GRID2: variants seen among roughly 807,000 people sequenced by gnomAD.
GRID2 encodes glutamate receptor ionotropic, delta-2.
Under a neutral mutation model 114.8 loss-of-function variants are expected in GRID2, and 33 were observed. That is an observed-to-expected ratio of 0.29 (90% CI 0.22 to 0.38). The LOEUF (loss-of-function observed/expected upper bound fraction) is 0.38, where lower values mean the gene tolerates loss of function less well. GRID2 is among the 10% of genes least tolerant of loss of function. The probability of loss-of-function intolerance (pLI) is 1.00; values close to 1 mark genes in which losing one functional copy is unlikely to be tolerated. For missense variants in GRID2, 1,184 were observed against 1,257.7 expected (o/e 0.94, Z 0.89); for synonymous variants, 505 against 449.9 (o/e 1.12, Z -1.55).
At chr4:93,045,809 G>A (rs1726082294) in intron 2 of GRID2, among the ~76,000 whole-genome samples, 1 of 152,004 alleles carries the variant, frequency 6.6e-6, no homozygotes, top group African/African-American at 2.4e-5. Flanking sequence ...TTCCCACTGT[G>A]TGTGTGTTTA....
At chr4:92,981,313 T>A (rs1754196442) in intron 2 of GRID2, among the ~76,000 whole-genome samples, 2 of 152,224 alleles carry the variant, frequency 1.3e-5, no homozygotes, top group South Asian at 4.1e-4. Context: ...AAGTCACTGA[T>A]GTAAACACTT....
chr4:92,407,217 A>C (rs1303374709), intron 1 of GRID2, among the ~76,000 whole-genome samples: 1 of 152,098 alleles, frequency 6.6e-6, no homozygotes, highest in African/African-American at 2.4e-5. Context: ...CCCTTCCTCA[A>C]CACCTGGGGA....
chr4:93,381,881 T>C (rs1374531414), intron 8 of GRID2, among the ~76,000 whole-genome samples: 2 of 152,140 alleles, frequency 1.3e-5, no homozygotes, highest in Non-Finnish European at 2.9e-5. Flanking sequence ...TATTGTATAG[T>C]GTATTTTTAT....
intron 4 of GRID2, among the ~76,000 whole-genome samples, chr4:93,114,305 A>C (rs1358785759): frequency 2.0e-5 from 3 of 152,148 alleles, no homozygotes; most frequent in Non-Finnish European, 2.9e-5. Context: ...TGTCTTTCTG[A>C]TAATCAATTT....
At chr4:92,908,616 T>G (rs1191254935) in intron 2 of GRID2, among the ~76,000 whole-genome samples, 1 of 146,606 alleles carries the variant, frequency 6.8e-6, no homozygotes, top group Non-Finnish European at 1.5e-5. Context: ...GAAAAAAAAG[T>G]ACTAACAGGT....
At chr4:93,321,665 CT>C (rs1757230175) in intron 8 of GRID2, among the ~76,000 whole-genome samples, 1 of 151,228 alleles carries the variant, frequency 6.6e-6, no homozygotes, top group Non-Finnish European at 1.5e-5. Flanking sequence ...GTTTTTTTTT[CT>C]TTGAAATACT....
chr4:93,611,126 T>A (rs1349305341), intron 13 of GRID2, among the ~76,000 whole-genome samples: 1 of 110,424 alleles, frequency 9.1e-6, no homozygotes, highest in East Asian at 2.5e-4. Flanking sequence ...TATTCTCTGA[T>A]GGTAGTTTGT....
At chr4:92,794,303 A>G (rs1023074951) in intron 2 of GRID2, among the ~76,000 whole-genome samples, 5 of 151,810 alleles carry the variant, frequency 3.3e-5, no homozygotes, top group African/African-American at 4.8e-5. Flanking sequence ...TCATATTGCA[A>G]TTGGCCACTG....
chr4:93,031,628 G>A (rs956170408), intron 2 of GRID2, among the ~76,000 whole-genome samples: 8 of 151,986 alleles, frequency 5.3e-5, no homozygotes, highest in African/African-American at 1.9e-4. Flanking sequence ...TTATAAGGGG[G>A]AATTTCCCCA....
chr4:92,784,956 C>T (rs964198653), intron 2 of GRID2, among the ~76,000 whole-genome samples: 1 of 151,618 alleles, frequency 6.6e-6, no homozygotes, highest in African/African-American at 2.4e-5. Flanking sequence ...TTAAGTACTG[C>T]AGTAGCACTA....
chr4:93,442,499 T>C (rs968459211), intron 10 of GRID2, among the ~76,000 whole-genome samples: 27 of 152,008 alleles, frequency 1.8e-4, no homozygotes, highest in African/African-American at 6.5e-4. Flanking sequence ...TCAATAAGCA[T>C]TTATTGGGGC....
At chr4:93,149,235 A>G (rs1410137857) in intron 4 of GRID2, among the ~76,000 whole-genome samples, 1 of 152,196 alleles carries the variant, frequency 6.6e-6, no homozygotes. Context: ...CTAACCAGCC[A>G]CAAGGGAACC....
chr4:93,153,130 A>G (rs1314483738), intron 4 of GRID2, among the ~76,000 whole-genome samples: 1 of 152,148 alleles, frequency 6.6e-6, no homozygotes, highest in African/African-American at 2.4e-5. Context: ...TCAAAGACTC[A>G]AAAAAGACTG....
At chr4:92,806,379 A>G (rs1218257014) in intron 2 of GRID2, among the ~76,000 whole-genome samples, 2 of 151,892 alleles carry the variant, frequency 1.3e-5, no homozygotes, top group Non-Finnish European at 2.9e-5. Context: ...AGATTGTATA[A>G]ATGCAATAGG....
At chr4:92,521,992 AGCCTATAT>A (rs1461831089) in intron 1 of GRID2, among the ~76,000 whole-genome samples, 1 of 151,960 alleles carries the variant, frequency 6.6e-6, no homozygotes, top group Non-Finnish European at 1.5e-5. Context: ...TCCCTCGTGG[AGCCTATAT>A]TGTACAACAT....
chr4:93,681,899 G>A lies in GRID2; in HGVS notation c.2360+55464G>A, dbSNP rs973638842. Among the ~76,000 whole-genome samples the A allele has an allele frequency of 5.3e-5, 8 of 151,554 alleles. 1 individual carries two copies. The highest frequency in any genetic ancestry group is 1.9e-4 in the African/African-American group (8 of 41,130). Reference sequence around the variant, plus strand: ...GGACTTCATGTCTAAAACACCAAAAGCAATGGCAACAAAAGCCAAAATTGA... The same window carrying A: ...GGACTTCATGTCTAAAACACCAAAAACAATGGCAACAAAAGCCAAAATTGA... On this transcript the variant is annotated intron_variant, in intron 14 of 15. Coordinates refer to ENST00000282020, the MANE Select transcript of GRID2 (RefSeq NM_001510.4).
chr4:93,162,672 A>C (rs964311422), intron 4 of GRID2, among the ~76,000 whole-genome samples: 5 of 152,008 alleles, frequency 3.3e-5, no homozygotes, highest in Admixed American at 6.6e-5. Context: ...TGTTACATAC[A>C]TTTTACATGT....
chr4:93,576,675 G>A (rs571742837), intron 13 of GRID2, among the ~76,000 whole-genome samples: 11 of 152,036 alleles, frequency 7.2e-5, no homozygotes, highest in South Asian at 4.1e-4. Flanking sequence ...CTTTTTTGAC[G>A]TTTTAGTGAG....
chr4:92,668,989 G>C (rs190381929), intron 2 of GRID2, among the ~76,000 whole-genome samples: 211 of 151,914 alleles, frequency 1.4e-3, no homozygotes, highest in Middle Eastern at 3.4e-3. Context: ...TCATCATTAA[G>C]AGATTAAAAA....
Sources: allele counts gnomAD v4.1 joint callset (sites outside exome capture counted in the v4.1 genomes callset), GRCh38; gene constraint gnomAD v4.1.1; transcripts MANE v1.5; gene names NCBI Gene and HGNC (gene_info 2026-07-23, HGNC 2026-07-21).